ATRNL1: variants seen among roughly 807,000 people sequenced by gnomAD.
The protein encoded by ATRNL1 is attractin-like protein 1.
A neutral mutation model predicts 182.7 loss-of-function variants in ATRNL1; 95 were observed. The ratio of observed to expected loss-of-function variants is 0.52; its 90% CI spans 0.44 to 0.62. The LOEUF is 0.62. ATRNL1 is among the 20% of genes least tolerant of loss of function. ATRNL1 has a pLI of 0.00. For synonymous variants in ATRNL1, 576 were observed against 568.3 expected (o/e 1.01, Z -0.19); for missense variants, 1,471 against 1,679.5 (o/e 0.88, Z 2.17).
Position 115,344,094 on chromosome 10 carries a change from T to C in ATRNL1, c.3175+9675T>C, listed in dbSNP as rs868953255. 2.0e-5 allele frequency among the ~76,000 whole-genome samples: 3 copies of C among 152,052 alleles called. No individual in the cohort carries two copies. In the South Asian group the frequency reaches 6.2e-4, roughly 31 times the overall value. The stretch of plus-strand genomic sequence containing the variant: ...GGTCAGACATGAAGCCAGCACAACA[T>C]TGGATCTTGCCTACAGCCTGCTGTA... On this transcript the variant is annotated intron_variant, in intron 19 of 28. Transcript: ENST00000355044.
chr10:115,815,186 C>T (rs1589544196), intron 27 of ATRNL1, among the ~76,000 whole-genome samples: 1 of 152,270 alleles, frequency 6.6e-6, no homozygotes, highest in East Asian at 1.9e-4. Context: ...CTTATTCTCA[C>T]TTCTAACTGA....
In ATRNL1 at chr10:115,534,891, T is replaced by G. The variant is rs377248205; in HGVS notation, c.3717-14567T>G. Among the ~76,000 whole-genome samples the G allele has an allele frequency of 2.2e-4, 34 of 152,268 alleles. No homozygotes were observed. In the South Asian group the frequency reaches 6.9e-3, roughly 31 times the overall value. Reference sequence around the variant, plus strand: ...AGCTTAGTTTGGCTGGATATGAAATTCTGGGTTGAAAATTCTTTTCTTTAA... The same window carrying G: ...AGCTTAGTTTGGCTGGATATGAAATGCTGGGTTGAAAATTCTTTTCTTTAA... On this transcript the variant is annotated intron_variant, in intron 25 of 28. Coordinates refer to ENST00000355044, the MANE Select transcript of ATRNL1 (RefSeq NM_207303.4).
intron 10 of ATRNL1, among the ~76,000 whole-genome samples, chr10:115,252,283 T>C (rs1554905559): frequency 6.6e-6 from 1 of 152,128 alleles, no homozygotes; most frequent in East Asian, 1.9e-4. Context: ...CGCCTCGACC[T>C]CCCAAAGTGC....
In ATRNL1 at chr10:115,127,550, A is replaced by C. The variant is rs912503123; in HGVS notation, c.492-43A>C. 3.3e-6 allele frequency: 5 copies of C among 1,525,900 alleles called. No individual in the cohort carries two copies. In the African/African-American group the frequency reaches 5.6e-5, roughly 17 times the overall value. 94.5% of individuals were successfully genotyped at this position (1,525,900 alleles called of 1,614,324 possible). A position where few individuals can be genotyped will look rare whatever the true frequency, so the allele number is the denominator to read the frequency against. ...TAAATTTTATGTGCTTAACAGTCTT[A>C]TGTATATCTATACATACAATATTCA... On this transcript the variant is annotated intron_variant, in intron 3 of 28. Coordinates refer to ENST00000355044, the MANE Select transcript of ATRNL1 (RefSeq NM_207303.4).
chr10:115,414,053 C>T (rs1044149367), intron 20 of ATRNL1, among the ~76,000 whole-genome samples: 2 of 152,052 alleles, frequency 1.3e-5, no homozygotes, highest in East Asian at 3.8e-4. Context: ...GTACCTTCTC[C>T]GGCTCAGTAT....
chr10:115,922,116 C>A (rs552095737), intron 28 of ATRNL1, among the ~76,000 whole-genome samples: 1 of 152,108 alleles, frequency 6.6e-6, no homozygotes, highest in Non-Finnish European at 1.5e-5. Context: ...CCTGCCCCCA[C>A]GTTCACTGGT....
chr10:115,511,383 T>C (rs1430510129), intron 24 of ATRNL1, among the ~76,000 whole-genome samples: 1 of 151,964 alleles, frequency 6.6e-6, no homozygotes, highest in Non-Finnish European at 1.5e-5. Context: ...AAGATATGAC[T>C]AGTTAACTAG....
intron 19 of ATRNL1, among the ~76,000 whole-genome samples, chr10:115,362,907 A>G (rs1446085041): frequency 7.3e-5 from 11 of 151,596 alleles, no homozygotes; most frequent in African/African-American, 2.7e-4. Flanking sequence ...CATTTTCTTA[A>G]TCCAGTCTAT....
At chr10:115,210,795 G>C (rs1455613728) in intron 8 of ATRNL1, among the ~76,000 whole-genome samples, 1 of 151,766 alleles carries the variant, frequency 6.6e-6, no homozygotes, top group East Asian at 1.9e-4. Context: ...GTTGGTCTGT[G>C]TGTTAAAATA....
chr10:115,559,141 T>C (rs191276704), intron 26 of ATRNL1, among the ~76,000 whole-genome samples: 1 of 152,316 alleles, frequency 6.6e-6, no homozygotes, highest in Admixed American at 6.5e-5. Flanking sequence ...ACCCTGCTCA[T>C]GAAGCAGGAA....
intron 28 of ATRNL1, among the ~76,000 whole-genome samples, chr10:115,849,416 G>A (rs1183125494): frequency 1.3e-5 from 2 of 152,120 alleles, no homozygotes; most frequent in Non-Finnish European, 2.9e-5. Context: ...AAGTCTGTGT[G>A]ATATACACCA....
intron 21 of ATRNL1, among the ~76,000 whole-genome samples, chr10:115,449,651 G>A (rs1025142729): frequency 2.6e-5 from 4 of 152,250 alleles, no homozygotes; most frequent in Admixed American, 2.6e-4. Flanking sequence ...GCTTCTGCCG[G>A]CACCCAGAAG....
intron 27 of ATRNL1, among the ~76,000 whole-genome samples, chr10:115,762,495 G>A (rs1948757616): frequency 1.3e-5 from 2 of 152,086 alleles, no homozygotes; most frequent in Admixed American, 6.6e-5. Context: ...AAACAACACA[G>A]TAATATAGAA....
At chr10:115,353,514 T>C (rs782367535) in intron 19 of ATRNL1, among the ~76,000 whole-genome samples, 2 of 152,194 alleles carry the variant, frequency 1.3e-5, no homozygotes, top group Non-Finnish European at 2.9e-5. Context: ...TTTTAATCCA[T>C]TCAGCCACTC....
chr10:115,188,888 A>G (rs1201484627), intron 8 of ATRNL1, among the ~76,000 whole-genome samples: 2 of 152,154 alleles, frequency 1.3e-5, no homozygotes, highest in Non-Finnish European at 2.9e-5. Context: ...GAAACAATTC[A>G]ATCATAGGAA....
intron 20 of ATRNL1, among the ~76,000 whole-genome samples, chr10:115,398,911 T>A (rs1844418452): frequency 6.6e-6 from 1 of 152,102 alleles, no homozygotes; most frequent in Non-Finnish European, 1.5e-5. Flanking sequence ...GTTTTTAACA[T>A]GAGTGGATGT....
chr10:115,507,377 A>C (rs900664536), intron 24 of ATRNL1, among the ~76,000 whole-genome samples: 1 of 152,020 alleles, frequency 6.6e-6, no homozygotes, highest in Non-Finnish European at 1.5e-5. Flanking sequence ...AATAAGTAAA[A>C]ATGCTAGGAT....
At chr10:115,256,330 A>C (rs889130957) in intron 10 of ATRNL1, among the ~76,000 whole-genome samples, 15 of 152,108 alleles carry the variant, frequency 9.9e-5, no homozygotes, top group African/African-American at 3.4e-4. Flanking sequence ...TTATTGGTCT[A>C]TTCAGAGATT....
At position 115,151,055 on chromosome 10, in the gene ATRNL1, C is replaced by T. The variant is rs563922314; in HGVS notation, c.830-8985C>T. 1.2e-3 allele frequency among the ~76,000 whole-genome samples: 184 copies of T among 152,324 alleles called. 3 individuals are homozygous for T. The highest frequency in any genetic ancestry group is 3.7e-3 in the African/African-American group (154 of 41,572). ...GTCCCTACAAAGGACATGAACTCAT[C>T]ATTTTTTATTGCTGCATAGTATGCT... On this transcript the variant is annotated intron_variant, in intron 5 of 28. Transcript: ENST00000355044.
Sources: gnomAD v4.1 joint callset for allele counts (sites outside exome capture counted in the v4.1 genomes callset) on GRCh38, gnomAD v4.1.1 for gene constraint, MANE v1.5 for transcripts, NCBI Gene and HGNC (gene_info 2026-07-23, HGNC 2026-07-21) for gene names.